CAPZA1: variants seen among roughly 807,000 people sequenced by gnomAD.
CAPZA1 encodes the protein F-actin-capping protein subunit alpha-1.
In CAPZA1, 10 loss-of-function variants were observed where a neutral mutation model predicts 40.8. That is an observed-to-expected ratio of 0.25 (90% CI 0.15 to 0.42). The LOEUF is 0.42. CAPZA1 is among the 10% of genes least tolerant of loss of function. The pLI is 1.00. For missense variants in CAPZA1, 277 were observed against 353.8 expected, an observed-to-expected ratio of 0.78 and a Z score of 1.74; for synonymous variants, 98 against 115.0, an observed-to-expected ratio of 0.85 and a Z score of 0.95.
intron 1 of CAPZA1, among the ~76,000 whole-genome samples, chr1:112,644,857 AATAG>A (rs1484928683): frequency 6.6e-6 from 1 of 152,242 alleles, no homozygotes; most frequent in Non-Finnish European, 1.5e-5. Context: ...CCAAATGCCA[AATAG>A]ATAGGAGCCA....
intron 2 of CAPZA1, among the ~76,000 whole-genome samples, chr1:112,648,395 C>T (rs528542162): frequency 3.4e-5 from 4 of 117,964 alleles, no homozygotes; most frequent in Non-Finnish European, 3.3e-5. Context: ...TGTTGCCAGT[C>T]TGGAGTGCAG....
At chr1:112,656,042 C>G (rs980538986) in intron 5 of CAPZA1, among the ~76,000 whole-genome samples, 1 of 152,018 alleles carries the variant, frequency 6.6e-6, no homozygotes, top group Admixed American at 6.6e-5. Flanking sequence ...TGTGGAATGG[C>G]TATATTGAGC....
intron 7 of CAPZA1, among the ~76,000 whole-genome samples, chr1:112,661,416 G>A (rs968686052): frequency 6.6e-6 from 1 of 152,134 alleles, no homozygotes; most frequent in Non-Finnish European, 1.5e-5. Context: ...GCTCATAAAC[G>A]TACCTCTAAG....
chr1:112,656,017 G>C (rs1671493163), intron 5 of CAPZA1, among the ~76,000 whole-genome samples: 2 of 151,838 alleles, frequency 1.3e-5, no homozygotes, highest in Non-Finnish European at 2.9e-5. Flanking sequence ...ATGATATTTT[G>C]AAATATGTAT....
chr1:112,660,268 TTGATTGATTGAC>T (rs1341326866), intron 7 of CAPZA1, among the ~76,000 whole-genome samples: 1 of 151,670 alleles, frequency 6.6e-6, no homozygotes, highest in Non-Finnish European at 1.5e-5. Context: ...GATTGATTGA[TTGATTGATTGAC>T]TGATTGATTG....
chr1:112,633,122 A>C (rs934260604), intron 1 of CAPZA1, among the ~76,000 whole-genome samples: 1 of 152,226 alleles, frequency 6.6e-6, no homozygotes, highest in African/African-American at 2.4e-5. Context: ...TACTGTATAC[A>C]TTATTACTAA....
At chr1:112,635,835 GC>G (rs1185718985) in intron 1 of CAPZA1, among the ~76,000 whole-genome samples, 3 of 152,110 alleles carry the variant, frequency 2.0e-5, no homozygotes, top group Non-Finnish European at 2.9e-5. Context: ...TTCGAGACCA[GC>G]CTGGTCACAC....
At chr1:112,650,579 A>G (rs898701070) in intron 3 of CAPZA1, among the ~76,000 whole-genome samples, 3 of 152,238 alleles carry the variant, frequency 2.0e-5, no homozygotes, top group Admixed American at 6.5e-5. Flanking sequence ...CTGTCAATAG[A>G]CAGTTATCTA....
At position 112,649,491 on chromosome 1, in the gene CAPZA1, C is replaced by T. The variant is rs200661716; in HGVS notation, c.155+22C>T. On this transcript the variant is annotated intron_variant, in intron 3 of 9. Transcript: ENST00000263168. ...CACAGTAAGTATCTTTCCAAATCCA[C>T]TTAGAATGTTACTCTAACATTGGAT... 295 of 1,575,054 alleles carry T rather than the reference C, an allele frequency of 1.9e-4. 1 individual carries two copies. Among genetic ancestry groups the T allele is most frequent in the Non-Finnish European group, 2.3e-4 (266 of 1,145,656 alleles).
intron 1 of CAPZA1, chr1:112,634,736 G>A (rs931546976): frequency 1.3e-5 from 2 of 152,060 alleles, no homozygotes; most frequent in South Asian, 2.1e-4. Context: ...GGTTTCTGGT[G>A]AAAACCAGAA....
intron 1 of CAPZA1, among the ~76,000 whole-genome samples, chr1:112,628,729 G>A (rs1670861998): frequency 1.3e-5 from 2 of 152,190 alleles, no homozygotes; most frequent in African/African-American, 4.8e-5. Context: ...TTTGCATACT[G>A]CAGCTTCTCC....
At chr1:112,635,311 G>C (rs1670993777) in intron 1 of CAPZA1, among the ~76,000 whole-genome samples, 1 of 152,118 alleles carries the variant, frequency 6.6e-6, no homozygotes, top group African/African-American at 2.4e-5. Context: ...ACATTCAGTA[G>C]ACTAATGAAG....
chr1:112,662,610 G>A (rs925115317), intron 7 of CAPZA1, among the ~76,000 whole-genome samples: 2 of 151,822 alleles, frequency 1.3e-5, no homozygotes, highest in African/African-American at 2.4e-5. Flanking sequence ...GTGTTAGCCA[G>A]GCTGGTCTCG....
intron 7 of CAPZA1, 72 bp downstream of exon 7, chr1:112,659,851 A>C (rs1671569807): frequency 2.7e-6 from 3 of 1,129,280 alleles, no homozygotes; most frequent in South Asian, 1.3e-5. Flanking sequence ...TTTGGTATTA[A>C]ATAAGGACCA....
In CAPZA1 at chr1:112,669,706, C is replaced by T. The variant is rs1158691626; in HGVS notation, c.720+101C>T. The stretch of plus-strand genomic sequence containing the variant: ...GTGTCCTTTAATGTAAATATACATG[C>T]TCTTCAGTTTTACTAAATGTGGGAG... On this transcript the variant is annotated intron_variant, in intron 9 of 9. Transcript: ENST00000263168. The T allele has an allele frequency of 3.3e-6, 3 of 901,746 alleles. No homozygotes were observed. The East Asian group carries it at 7.6e-5, about 23-fold the overall frequency. 55.9% of individuals were successfully genotyped at this position (901,746 alleles called of 1,614,324 possible).
rs143899652 is a variant in CAPZA1, at chr1:112,622,149, T to A, written c.39+2266T>A. Among the ~76,000 whole-genome samples, 202 of 152,318 alleles carry A rather than the reference T, an allele frequency of 1.3e-3. 3 individuals are homozygous for A. The highest frequency in any genetic ancestry group is 6.3e-4 in the Non-Finnish European group (43 of 68,032). On this transcript the variant is annotated intron_variant, in intron 1 of 9. Coordinates refer to ENST00000263168, the MANE Select transcript of CAPZA1 (RefSeq NM_006135.3). ...GCCAAGTATATTTTAATATTGTTTT[T>A]TATCTTTGTTACATTTTCTAAAGGC...
intron 1 of CAPZA1, among the ~76,000 whole-genome samples, chr1:112,641,683 G>A (rs1671168240): frequency 6.6e-6 from 1 of 151,966 alleles, no homozygotes; most frequent in African/African-American, 2.4e-5. Context: ...GAGGTCAGGA[G>A]TTCAAGACGA....
At chr1:112,635,098 T>C (rs1025272608) in intron 1 of CAPZA1, among the ~76,000 whole-genome samples, 1 of 152,206 alleles carries the variant, frequency 6.6e-6, no homozygotes, top group African/African-American at 2.4e-5. Flanking sequence ...GGAGGCAGAC[T>C]AGTATCTATA....
chr1:112,626,161 G>A (rs1670802074), intron 1 of CAPZA1: 1 of 152,052 alleles, frequency 6.6e-6, no homozygotes, highest in South Asian at 2.1e-4. Flanking sequence ...CTTCTCAAAG[G>A]GGTAGAATTG....
Sources: allele counts gnomAD v4.1 joint callset (sites outside exome capture counted in the v4.1 genomes callset), GRCh38; gene constraint gnomAD v4.1.1; transcripts MANE v1.5; gene names NCBI Gene and HGNC (gene_info 2026-07-23, HGNC 2026-07-21).